PPP2R2C: variants seen among roughly 807,000 people sequenced by gnomAD.
PPP2R2C encodes the protein protein phosphatase 2, regulatory subunit B, gamma.
In PPP2R2C, 10 loss-of-function variants were observed where a neutral mutation model predicts 45.3. The observed-to-expected ratio is 0.22, with a 90% CI of 0.14 to 0.37. The LOEUF is 0.37. Ranked by LOEUF, PPP2R2C falls within the 10% of genes least tolerant of loss-of-function variation. The pLI is 1.00. For synonymous variants in PPP2R2C, 257 were observed against 245.4 expected (o/e 1.05, Z -0.44); for missense variants, 308 against 619.7 (o/e 0.50, Z 5.34).
At chr4:6,353,177 G>A (rs1712721829) in intron 5 of PPP2R2C, among the ~76,000 whole-genome samples, 1 of 151,958 alleles carries the variant, frequency 6.6e-6, no homozygotes, top group African/African-American at 2.4e-5. Context: ...AGCAGCCACA[G>A]GACACTAACC....
chr4:6,431,825 G>T (rs1719639414), intron 1 of PPP2R2C, among the ~76,000 whole-genome samples: 1 of 152,146 alleles, frequency 6.6e-6, no homozygotes, highest in Non-Finnish European at 1.5e-5. Context: ...ATTTGGGGCT[G>T]CTCCCACAGA....
chr4:6,546,031 A>G (rs1453175601), intron 1 of PPP2R2C, among the ~76,000 whole-genome samples: 1 of 152,180 alleles, frequency 6.6e-6, no homozygotes, highest in Non-Finnish European at 1.5e-5. Flanking sequence ...GGGACCCACA[A>G]AGCACAGAAT....
intron 5 of PPP2R2C, chr4:6,350,978 C>T: frequency 2.0e-6 from 2 of 985,380 alleles, no homozygotes; most frequent in South Asian, 9.4e-5. Context: ...ACGCTCTTTC[C>T]TTTCCCACCT....
chr4:6,511,552 G>A (rs1443617497), intron 2 of PPP2R2C, among the ~76,000 whole-genome samples: 9 of 53,734 alleles, frequency 1.7e-4, no homozygotes, highest in African/African-American at 4.1e-4. Context: ...GGTGATGGTG[G>A]TGGTGGTGGT....
At chr4:6,512,229 G>T (rs1560595128) in intron 2 of PPP2R2C, among the ~76,000 whole-genome samples, 1 of 109,966 alleles carries the variant, frequency 9.1e-6, no homozygotes, top group Non-Finnish European at 2.0e-5. Context: ...TGTTGGTGGT[G>T]GTGATGGTGG....
intron 2 of PPP2R2C, among the ~76,000 whole-genome samples, chr4:6,508,775 C>G (rs1348137081): frequency 6.6e-6 from 1 of 152,100 alleles, no homozygotes; most frequent in African/African-American, 2.4e-5. Context: ...AATGAGCACA[C>G]GCACAACTTC....
At chr4:6,538,442 G>A (rs1356077043) in intron 1 of PPP2R2C, among the ~76,000 whole-genome samples, 2 of 152,176 alleles carry the variant, frequency 1.3e-5, no homozygotes, top group African/African-American at 4.8e-5. Context: ...GAGCAAAACG[G>A]AAACATACAA....
chr4:6,480,210 T>C (rs537383014), intron 2 of PPP2R2C, among the ~76,000 whole-genome samples: 4 of 152,244 alleles, frequency 2.6e-5, no homozygotes, highest in African/African-American at 9.6e-5. Context: ...TAGAAATTTA[T>C]ATAAACCTGA....
At chr4:6,509,212 GA>G (rs1223247558) in intron 2 of PPP2R2C, among the ~76,000 whole-genome samples, 2 of 152,160 alleles carry the variant, frequency 1.3e-5, no homozygotes, top group Non-Finnish European at 2.9e-5. Flanking sequence ...CCATGGTTGG[GA>G]AAGAACAATA....
chr4:6,452,810 C>T (rs775103992), intron 1 of PPP2R2C, among the ~76,000 whole-genome samples: 1 of 152,220 alleles, frequency 6.6e-6, no homozygotes, highest in African/African-American at 2.4e-5. Flanking sequence ...AGCAAAGTAG[C>T]CGACTGAGTT....
intron 1 of PPP2R2C, among the ~76,000 whole-genome samples, chr4:6,448,668 G>A (rs1720563874): frequency 1.3e-5 from 2 of 152,070 alleles, no homozygotes. Context: ...TAACCCTCCT[G>A]ACTACCCAGG....
At chr4:6,457,144 G>A (rs888314051) in intron 1 of PPP2R2C, among the ~76,000 whole-genome samples, 4 of 141,674 alleles carry the variant, frequency 2.8e-5, no homozygotes, top group Middle Eastern at 3.5e-3. Context: ...GGAGACAGAA[G>A]TTGCAGTGAG....
Position 6,374,514 on chromosome 4 carries a change from C to T in PPP2R2C, c.447+1305G>A, listed in dbSNP as rs74717153. 3.0e-3 allele frequency among the ~76,000 whole-genome samples: 457 copies of T among 152,308 alleles called. 2 individuals carry two copies. The highest frequency in any genetic ancestry group is 0.011 in the African/African-American group (442 of 41,546). ...GTCGGATCCAAAAGGCAAGAGGGGACACAGGAAAGATCACAATTGTCATCT... is the reference window on the plus strand; with the variant it reads ...GTCGGATCCAAAAGGCAAGAGGGGATACAGGAAAGATCACAATTGTCATCT... On this transcript the variant is annotated intron_variant, in intron 4 of 8. Coordinates refer to ENST00000382599, the MANE Select transcript of PPP2R2C (RefSeq NM_020416.4).
intron 6 of PPP2R2C, among the ~76,000 whole-genome samples, chr4:6,336,265 AG>A (rs2109184544): frequency 6.6e-6 from 1 of 151,592 alleles, no homozygotes; most frequent in African/African-American, 2.4e-5. Context: ...CATCGTTCAC[AG>A]GGGCGCCCTT....
intron 2 of PPP2R2C, among the ~76,000 whole-genome samples, chr4:6,518,173 A>G (rs1460717029): frequency 6.6e-6 from 1 of 152,268 alleles, no homozygotes; most frequent in African/African-American, 2.4e-5. Context: ...AGGGAAATTT[A>G]TAACATTGAA....
intron 5 of PPP2R2C, among the ~76,000 whole-genome samples, chr4:6,355,361 G>A (rs1054381759): frequency 6.6e-6 from 1 of 152,162 alleles, no homozygotes; most frequent in Admixed American, 6.5e-5. Flanking sequence ...CTGTGTCCAT[G>A]TGATCTCATT....
chr4:6,467,795 C>T (rs551105769), intron 1 of PPP2R2C, among the ~76,000 whole-genome samples: 215 of 152,238 alleles, frequency 1.4e-3, no homozygotes, highest in African/African-American at 5.1e-3. Context: ...GACATCAGGC[C>T]TCTATGTCCT....
rs1189530246 is a variant in PPP2R2C, at chr4:6,321,010, A to T, written c.*2292T>A. 6.6e-6 allele frequency: 1 copy of T among 152,142 alleles called. No individual in the cohort carries two copies. The highest frequency in any genetic ancestry group is 1.5e-5 in the Non-Finnish European group (1 of 68,030). 9.4% of individuals were successfully genotyped at this position (152,142 alleles called of 1,614,324 possible). ...ATCTTCACAATTTGCTTTGGACATC[A>T]TTATTTTCCAGGGATCCAGAGACAT... On this transcript the variant is annotated 3_prime_UTR_variant, in exon 9 of 9. Coordinates refer to ENST00000382599, the MANE Select transcript of PPP2R2C (RefSeq NM_020416.4).
At chr4:6,383,933 A>G (rs1716039877) in intron 1 of PPP2R2C, 1 of 986,152 alleles carries the variant, frequency 1.0e-6, no homozygotes, top group African/African-American at 1.7e-5. Context: ...TTGAGGCAAC[A>G]GAAAAGATTG....
Sources: allele counts gnomAD v4.1 joint callset (sites outside exome capture counted in the v4.1 genomes callset), GRCh38; gene constraint gnomAD v4.1.1; transcripts MANE v1.5; gene names NCBI Gene and HGNC (gene_info 2026-07-23, HGNC 2026-07-21).